The following BCAT1 variants were observed in gnomAD, a reference collection of about 807,000 sequenced individuals.
BCAT1 encodes the protein branched chain amino acid transaminase 1, also known as branched-chain-amino-acid aminotransferase, cytosolic.
A neutral mutation model predicts 52.4 loss-of-function variants in BCAT1; 48 were observed. That is an observed-to-expected ratio of 0.92 (90% CI 0.73 to 1.16). BCAT1 has a LOEUF of 1.16. Among genes scored for constraint, BCAT1 ranks in the 50% most tolerant of loss-of-function variants. The pLI, the probability that BCAT1 is intolerant of heterozygous loss-of-function variation, is 0.00. For missense variants in BCAT1, 451 were observed against 457.1 expected, an observed-to-expected ratio of 0.99 and a Z score of 0.12; for synonymous variants, 167 against 161.3, an observed-to-expected ratio of 1.04 and a Z score of -0.27.
intron 5 of BCAT1, among the ~76,000 whole-genome samples, chr12:24,851,159 G>A (rs61914868): frequency 0.087 from 13,279 of 152,190 alleles, 750 homozygotes; most frequent in East Asian, 0.2. Flanking sequence ...ACCACATGAA[G>A]TAAAAAAACA....
intron 5 of BCAT1, among the ~76,000 whole-genome samples, chr12:24,863,466 G>C (rs530154563): frequency 6.6e-6 from 1 of 152,340 alleles, no homozygotes; most frequent in South Asian, 2.1e-4. Context: ...AGTGGAAAAT[G>C]AGCATTTGGG....
intron 3 of BCAT1, among the ~76,000 whole-genome samples, chr12:24,882,755 C>T (rs974987575): frequency 5.3e-5 from 8 of 151,802 alleles, no homozygotes; most frequent in Non-Finnish European, 1.0e-4. Context: ...CGCACCACCA[C>T]GCCCAAGTTA....
At chr12:24,902,965 A>C in intron 1 of BCAT1, 1 of 1,498,472 alleles carries the variant, frequency 6.7e-7, no homozygotes, top group Non-Finnish European at 8.9e-7. Context: ...CAAGGGCCGC[A>C]GCGGAGCGAA....
At chr12:24,841,112 T>A (rs1193070596) in intron 7 of BCAT1, among the ~76,000 whole-genome samples, 1 of 152,180 alleles carries the variant, frequency 6.6e-6, no homozygotes, top group East Asian at 1.9e-4. Flanking sequence ...CTCAGGATAT[T>A]AAAGATAATA....
rs144958784 is a variant in BCAT1, at chr12:24,892,482, A to G, written c.279+1793T>C. On this transcript the variant is annotated intron_variant, in intron 3 of 10. Coordinates refer to ENST00000261192, the MANE Select transcript of BCAT1 (RefSeq NM_005504.7). ...TTGTTAGAAATGAGAAACTCTGGAG[A>G]TGTAGCCAGCTGATTCTGATGCACA... Among the ~76,000 whole-genome samples the G allele has an allele frequency of 5.4e-3, 830 of 152,294 alleles. 4 individuals carry two copies. The highest frequency in any genetic ancestry group is 0.019 in the African/African-American group (802 of 41,548).
intron 8 of BCAT1, 33 bp downstream of exon 8, chr12:24,836,478 C>A: frequency 6.5e-7 from 1 of 1,549,408 alleles, no homozygotes; most frequent in Non-Finnish European, 8.9e-7. Flanking sequence ...TTATTTCAGG[C>A]TTACAAAAGT....
In BCAT1 at chr12:24,829,787, A is replaced by AAAAGG. The variant is rs764210953; in HGVS notation, c.1119+31_1119+35dup. 8.3e-6 allele frequency: 12 copies of AAAAGG among 1,454,300 alleles called. No individual in the cohort carries two copies. The South Asian group carries it at 1.1e-4, about 14-fold the overall frequency. 90.1% of individuals were successfully genotyped at this position (1,454,300 alleles called of 1,614,324 possible). ...TAAGGTGACATAAAAAAAAGAAAAGAAAAGGAAAGAAAAGAAAAGAAAAGA... is the reference window on the plus strand; with the variant it reads ...TAAGGTGACATAAAAAAAAGAAAAGAAAAGGAAAGGAAAGAAAAGAAAAGAAAAGA... On this transcript the variant is annotated intron_variant, in intron 10 of 10. Coordinates refer to ENST00000261192, the MANE Select transcript of BCAT1 (RefSeq NM_005504.7).
intron 1 of BCAT1, among the ~76,000 whole-genome samples, chr12:24,916,521 G>C (rs917741152): frequency 6.9e-6 from 1 of 145,072 alleles, no homozygotes; most frequent in Non-Finnish European, 1.5e-5. Flanking sequence ...CTCTTTTTTT[G>C]TTTGTTTGCT....
intron 1 of BCAT1, among the ~76,000 whole-genome samples, chr12:24,933,774 T>TGA (rs953520033): frequency 2.0e-5 from 3 of 151,990 alleles, no homozygotes; most frequent in African/African-American, 7.2e-5. Flanking sequence ...CTCTCTCTAA[T>TGA]GAGAGAGAGG....
At chr12:24,859,050 C>A (rs548986500) in intron 5 of BCAT1, among the ~76,000 whole-genome samples, 36 of 150,538 alleles carry the variant, frequency 2.4e-4, no homozygotes, top group South Asian at 6.3e-4. Context: ...TTAACAACAA[C>A]AAAAAAAAAT....
chr12:24,876,943 G>A (rs1414746538), intron 5 of BCAT1, among the ~76,000 whole-genome samples: 1 of 151,644 alleles, frequency 6.6e-6, no homozygotes, highest in African/African-American at 2.4e-5. Context: ...CATGTACCCT[G>A]GAACTTAAAA....
intron 4 of BCAT1, 56 bp downstream of exon 4, chr12:24,881,245 A>C: frequency 7.9e-7 from 1 of 1,270,178 alleles, no homozygotes; most frequent in Non-Finnish European, 1.1e-6. Flanking sequence ...TTGGTGGTCA[A>C]CACCGTGACC....
chr12:24,942,890 G>GATA (rs1156635918), intron 1 of BCAT1, among the ~76,000 whole-genome samples: 1 of 152,332 alleles, frequency 6.6e-6, no homozygotes, highest in East Asian at 1.9e-4. Context: ...AGAAGAAAGT[G>GATA]ATAACTTATG....
rs907705427 is a variant in BCAT1 at position 24,811,776 on chromosome 12, C to G, written c.*6232G>C. On this transcript the variant is annotated 3_prime_UTR_variant, in exon 11 of 11. Coordinates refer to ENST00000261192, the MANE Select transcript of BCAT1 (RefSeq NM_005504.7). Reference sequence around the variant, plus strand: ...ACACAGCTAAGATATCTGAGACTTGCAATGGCTGGAGTCTATCAGTACAAT... The same window carrying G: ...ACACAGCTAAGATATCTGAGACTTGGAATGGCTGGAGTCTATCAGTACAAT... 2 of 152,112 alleles carry G rather than the reference C, an allele frequency of 1.3e-5. No individual in the cohort carries two copies. The highest frequency in any genetic ancestry group is 4.8e-5 in the African/African-American group (2 of 41,450). The allele number at this position is 152,112 out of a possible 1,614,324, so 9.4% of individuals were successfully genotyped here.
intron 1 of BCAT1, 67 bp from the exon 2 acceptor site, chr12:24,901,952 G>GT: frequency 6.2e-7 from 1 of 1,612,712 alleles, no homozygotes; most frequent in African/African-American, 1.3e-5. Flanking sequence ...GGTAACCTAC[G>GT]TGACGCTCAC....
chr12:24,936,972 C>G (rs1014841948), intron 1 of BCAT1, among the ~76,000 whole-genome samples: 1 of 152,114 alleles, frequency 6.6e-6, no homozygotes, highest in Non-Finnish European at 1.5e-5. Flanking sequence ...TCCTTGGGGG[C>G]TATGACTCAG....
At chr12:24,861,283 T>C (rs1412329851) in intron 5 of BCAT1, among the ~76,000 whole-genome samples, 1 of 152,222 alleles carries the variant, frequency 6.6e-6, no homozygotes, top group East Asian at 1.9e-4. Context: ...TGTGTTGGAA[T>C]TGGCTAGCAA....
chr12:24,931,222 T>A (rs1460924518), intron 1 of BCAT1, among the ~76,000 whole-genome samples: 5 of 152,006 alleles, frequency 3.3e-5, no homozygotes, highest in Admixed American at 3.3e-4. Flanking sequence ...GCTATTTTTT[T>A]AAAGGATTAA....
At position 24,813,405 on chromosome 12, in the gene BCAT1, T is replaced by C. The variant is rs1294180394; in HGVS notation, c.*4603A>G. On this transcript the variant is annotated 3_prime_UTR_variant, in exon 11 of 11. Transcript: ENST00000261192. ...GTTATTTTCTGAATAGCTGGATCCA[T>C]CACCTTCAAGCTAATACTTTAAACA... The C allele has an allele frequency of 6.6e-6, 1 of 152,076 alleles. No homozygotes were observed. Among genetic ancestry groups the C allele is most frequent in the Non-Finnish European group, 1.5e-5 (1 of 67,918 alleles). 9.4% of individuals were successfully genotyped at this position (152,076 alleles called of 1,614,324 possible).
Sources: allele counts gnomAD v4.1 joint callset (sites outside exome capture counted in the v4.1 genomes callset), GRCh38; gene constraint gnomAD v4.1.1; transcripts MANE v1.5; gene names NCBI Gene and HGNC (gene_info 2026-07-23, HGNC 2026-07-21).